COL3A1: variants seen among roughly 807,000 people sequenced by gnomAD.
COL3A1 encodes the protein collagen alpha-1(III) chain.
In COL3A1, 46 loss-of-function variants were observed where a neutral mutation model predicts 200.9. The ratio of observed to expected loss-of-function variants is 0.23; its 90% CI spans 0.18 to 0.29. The LOEUF is 0.29. Among genes scored for constraint, COL3A1 ranks in the 10% least tolerant of loss-of-function variants. The pLI is 1.00. For missense variants in COL3A1, 1,367 were observed against 1,917.6 expected (o/e 0.71, Z 5.36); for synonymous variants, 650 against 628.0 (o/e 1.03, Z -0.52).
At chr2:188,985,168 G>A (rs373424811) in intron 2 of COL3A1, 29 bp from the exon 3 acceptor site, 1 of 1,607,518 alleles carries the variant, frequency 6.2e-7, no homozygotes, top group Non-Finnish European at 8.5e-7. Context: ...TCTGTGTCTT[G>A]TTTAACTTGT....
intron 1 of COL3A1, among the ~76,000 whole-genome samples, 181 bp downstream of exon 1, chr2:188,974,749 G>A (rs1687772308): frequency 1.3e-5 from 2 of 152,212 alleles, no homozygotes; most frequent in Middle Eastern, 3.4e-3. Flanking sequence ...AAATAATCGC[G>A]TTATGTGTGT....
chr2:188,984,712 T>C, intron 1 of COL3A1, 48 bp from the exon 2 acceptor site: 1 of 1,575,034 alleles, frequency 6.3e-7, no homozygotes, highest in Non-Finnish European at 8.7e-7. Flanking sequence ...AAAAATCACC[T>C]TTCAGCAAAA....
At chr2:189,009,356 A>G in intron 48 of COL3A1, 135 bp downstream of exon 48, 1 of 1,046,070 alleles carries the variant, frequency 9.6e-7, no homozygotes, top group South Asian at 1.5e-5. Context: ...CTGAATTGAA[A>G]CTGCTTGATA....
Position 188,994,929 on chromosome 2 carries a change from T to G in COL3A1, c.1455+98T>G. The G allele has an allele frequency of 1.3e-6, 2 of 1,547,024 alleles. No individual in the cohort carries two copies. The highest frequency in any genetic ancestry group is 1.8e-6 in the Non-Finnish European group (2 of 1,119,824). ...GACAGCCAATTTTTCTTAAGTTGAG[T>G]GTTCAGTGAAAATATTGTTTAAAGC... On this transcript the variant is annotated intron_variant, in intron 20 of 50. Transcript: ENST00000304636. The surrounding 1 kb of genome is among the most constrained non-coding windows in gnomAD (Gnocchi z 4.5).
intron 15 of COL3A1, 139 bp downstream of exon 15, chr2:188,993,079 T>C: frequency 2.5e-6 from 2 of 816,144 alleles, no homozygotes; most frequent in Non-Finnish European, 4.1e-6. Flanking sequence ...GCCCTATTCT[T>C]GATTCTAAAA....
intron 47 of COL3A1, chr2:189,008,345 A>C: frequency 1.7e-6 from 1 of 600,596 alleles, no homozygotes; most frequent in South Asian, 2.0e-5. Flanking sequence ...CCTTTTTAAA[A>C]ATTTGATCAG....
chr2:189,002,134 C>A (rs779850561), intron 34 of COL3A1, among the ~76,000 whole-genome samples, 164 bp from the exon 35 acceptor site: 3 of 152,112 alleles, frequency 2.0e-5, no homozygotes, highest in Non-Finnish European at 4.4e-5. Context: ...GTATTTTCCA[C>A]TCCTAATTTT....
chr2:188,992,822 T>C (rs1688215871), intron 14 of COL3A1, 65 bp from the exon 15 acceptor site: 1 of 1,260,476 alleles, frequency 7.9e-7, no homozygotes, highest in Non-Finnish European at 1.2e-6. Context: ...GCTCACTTAT[T>C]TACTAGTATG....
chr2:189,003,127 A>G, intron 36 of COL3A1, 65 bp downstream of exon 36: 1 of 1,284,022 alleles, frequency 7.8e-7, no homozygotes, highest in Non-Finnish European at 1.1e-6. Flanking sequence ...TTATCTGTCT[A>G]TCTCTCCCTC....
intron 5 of COL3A1, among the ~76,000 whole-genome samples, chr2:188,987,656 C>G (rs1343919215): frequency 6.6e-6 from 1 of 151,962 alleles, no homozygotes; most frequent in Non-Finnish European, 1.5e-5. Flanking sequence ...GGTTGATTTA[C>G]ATTATTATTT....
intron 45 of COL3A1, 110 bp downstream of exon 45, chr2:189,007,717 G>A: frequency 8.1e-7 from 1 of 1,238,664 alleles, no homozygotes; most frequent in Admixed American, 2.0e-5. Flanking sequence ...GATGAGAAAT[G>A]GATTTGAAGG....
chr2:189,006,333 A>G lies in COL3A1; in HGVS notation c.3094-12A>G. 1.2e-6 allele frequency: 2 copies of G among 1,614,078 alleles called. No individual in the cohort carries two copies. Among genetic ancestry groups the G allele is most frequent in the Non-Finnish European group, 1.7e-6 (2 of 1,179,994 alleles). ...CATCATGTTTATTTTGTACCTATGA[A>G]TTTGTTCACAGGGTGATCGTGGTGA... On this transcript the variant is annotated splice_polypyrimidine_tract_variant and intron_variant, in intron 42 of 50. Transcript: ENST00000304636.
intron 2 of COL3A1, 74 bp downstream of exon 2, chr2:188,985,036 C>A (rs1688035579): frequency 6.7e-7 from 1 of 1,483,174 alleles, no homozygotes; most frequent in Non-Finnish European, 9.4e-7. Flanking sequence ...ATCATAGGAG[C>A]CTAAAAGGGA....
At position 188,996,176 on chromosome 2, in the gene COL3A1, C is replaced by G. The variant is rs1334678815; in HGVS notation, c.1660C>G (p.Pro554Ala). ...GPGSDGKPGP[P>A]GSQGESGRPG... ...AGGAAGTGATGGGAAACCAGGGCCT[C>G]CCGTATGTACATTTTTAAAATCTCA... is the stretch of plus-strand genomic sequence containing the variant. Residue 554 changes from proline (P) to alanine (A), a missense_variant and splice_region_variant, in exon 23 of 51, where the codon CCC becomes GCC. Pro to Ala is a conservative substitution (Grantham distance 27, BLOSUM62 -1). This residue lies in a region of COL3A1 where 462 missense variants were observed against 681.4 expected (regional missense o/e 0.68). Transcript: ENST00000304636. 6.2e-7 allele frequency: 1 copy of G among 1,613,230 alleles called. No homozygotes were observed. The highest frequency in any genetic ancestry group is 8.5e-7 in the Non-Finnish European group (1 of 1,179,632).
chr2:188,992,037 A>C (rs1688200983), intron 13 of COL3A1, 147 bp from the exon 14 acceptor site: 1 of 795,928 alleles, frequency 1.3e-6, no homozygotes, highest in African/African-American at 1.7e-5. Flanking sequence ...AATTGTAATA[A>C]TTGACTTTAA....
chr2:188,997,890 T>C, intron 27 of COL3A1, 137 bp downstream of exon 27: 2 of 771,132 alleles, frequency 2.6e-6, no homozygotes, highest in Non-Finnish European at 4.5e-6. Context: ...GCAATGTTAA[T>C]AGGTAGGCAT....
At chr2:188,983,131 A>T (rs2153501163) in intron 1 of COL3A1, among the ~76,000 whole-genome samples, 1 of 152,114 alleles carries the variant, frequency 6.6e-6, no homozygotes, top group East Asian at 1.9e-4. Flanking sequence ...AGCTTAGGAA[A>T]TGTATATAGA....
intron 44 of COL3A1, among the ~76,000 whole-genome samples, 194 bp downstream of exon 44, chr2:189,007,184 TAG>T (rs1688612956): frequency 7.4e-6 from 1 of 135,152 alleles, no homozygotes; most frequent in African/African-American, 3.0e-5. Flanking sequence ...GATAGATAGA[TAG>T]ATAGATAGAT....
At chr2:188,996,727 G>A (rs952292977) in intron 24 of COL3A1, among the ~76,000 whole-genome samples, 1 of 152,156 alleles carries the variant, frequency 6.6e-6, no homozygotes, top group Admixed American at 6.5e-5. Context: ...GCTGGCTCAC[G>A]CCTGTAATCC....
Sources: allele counts gnomAD v4.1 joint callset (sites outside exome capture counted in the v4.1 genomes callset), GRCh38; gene constraint gnomAD v4.1.1; regional missense constraint gnomAD v4.1.1; non-coding constraint Gnocchi (gnomAD v3.1); transcripts MANE v1.5; gene names NCBI Gene and HGNC (gene_info 2026-07-23, HGNC 2026-07-21).